Variants in SMARCD3 observed in about 807,000 individuals in gnomAD.
The protein encoded by SMARCD3 is SWI/SNF related BAF chromatin remodeling complex subunit D3, also known as SWI/SNF-related matrix-associated actin-dependent regulator of chromatin subfamily D member 3.
A neutral mutation model predicts 58.0 loss-of-function variants in SMARCD3; 14 were observed. The ratio of observed to expected loss-of-function variants is 0.24; its 90% confidence interval spans 0.16 to 0.38. The LOEUF is 0.38. SMARCD3 is among the 10% of genes least tolerant of loss of function. The probability of loss-of-function intolerance (pLI) is 1.00; values close to 1 mark genes in which losing one functional copy is unlikely to be tolerated. For synonymous variants in SMARCD3, 253 were observed against 253.8 expected, an observed-to-expected ratio of 1.00 and a Z score of 0.03; for missense variants, 408 against 636.9, an observed-to-expected ratio of 0.64 and a Z score of 3.87.
upstream of SMARCD3, among the ~76,000 whole-genome samples, chr7:151,250,999 C>T (rs1017513344): frequency 6.6e-6 from 1 of 152,194 alleles, no homozygotes; most frequent in Admixed American, 6.5e-5. Flanking sequence ...GAGATAGACA[C>T]CCCTAGGCTT....
intron 1 of SMARCD3, among the ~76,000 whole-genome samples, chr7:151,276,082 A>C (rs1201774844): frequency 7.0e-6 from 1 of 142,826 alleles, no homozygotes; most frequent in Admixed American, 7.1e-5. Flanking sequence ...TCCGGGAGAC[A>C]GAGTGGGAGG....
upstream of SMARCD3, among the ~76,000 whole-genome samples, chr7:151,252,526 G>A (rs1803560232): frequency 6.6e-6 from 1 of 152,104 alleles, no homozygotes; most frequent in African/African-American, 2.4e-5. Flanking sequence ...ACTTGGCGCT[G>A]TGAGGACCAC....
chr7:151,247,382 A>G (rs1803319914), intron 1 of SMARCD3, among the ~76,000 whole-genome samples: 2 of 151,930 alleles, frequency 1.3e-5, no homozygotes, highest in Non-Finnish European at 2.9e-5. Flanking sequence ...GGGCTGGAGG[A>G]CAGGCCACTC....
intron 2 of SMARCD3, among the ~76,000 whole-genome samples, chr7:151,263,912 C>T (rs1157778728): frequency 1.3e-5 from 2 of 152,186 alleles, no homozygotes; most frequent in Non-Finnish European, 2.9e-5. Context: ...GGTGACTCCA[C>T]CTTGTGGGTG....
chr7:151,239,336 C>T lies in SMARCD3; in HGVS notation c.1398+60G>A, dbSNP rs1802829439. On this transcript the variant is annotated intron_variant, in intron 12 of 12. Transcript: ENST00000262188. This position sits in a 1 kb window ranked among gnomAD's most constrained non-coding sequence, Gnocchi z 7.0. ...CTGCGAGGGCTGCCCACAAGCTGAACAGGGAGGTTTCTCTTGGAGTTGAGG... is the reference window on the plus strand; with the variant it reads ...CTGCGAGGGCTGCCCACAAGCTGAATAGGGAGGTTTCTCTTGGAGTTGAGG... The T allele has an allele frequency of 2.1e-6, 3 of 1,447,456 alleles. No individual in the cohort carries two copies. Among genetic ancestry groups the T allele is most frequent in the Non-Finnish European group, 2.9e-6 (3 of 1,029,878 alleles). The allele number at this position is 1,447,456 out of a possible 1,614,324, so 89.7% of individuals were successfully genotyped here. A position where few individuals can be genotyped will look rare whatever the true frequency, so the allele number is the denominator to read the frequency against.
chr7:151,272,580 G>A (rs1394580432), intron 2 of SMARCD3, among the ~76,000 whole-genome samples: 1 of 152,118 alleles, frequency 6.6e-6, no homozygotes, highest in Non-Finnish European at 1.5e-5. Flanking sequence ...GCCTGTGTGG[G>A]GCGCACGCTC....
intron 2 of SMARCD3, among the ~76,000 whole-genome samples, chr7:151,264,411 T>G (rs1172978813): frequency 2.0e-5 from 3 of 152,084 alleles, no homozygotes; most frequent in Admixed American, 1.3e-4. Context: ...GCTCCTGCCT[T>G]GGAAAGTGCC....
chr7:151,251,221 C>T (rs929024537), upstream of SMARCD3, among the ~76,000 whole-genome samples: 23 of 151,900 alleles, frequency 1.5e-4, no homozygotes, highest in African/African-American at 5.1e-4. Context: ...TGAGCTTCAC[C>T]CAAGTCCATA....
chr7:151,260,764 A>T (rs1803891677), intron 2 of SMARCD3, among the ~76,000 whole-genome samples: 1 of 152,192 alleles, frequency 6.6e-6, no homozygotes, highest in Admixed American at 6.5e-5. Flanking sequence ...GAGAACTTGG[A>T]GGATCCAACT....
At chr7:151,266,057 C>T (rs530897600) in intron 2 of SMARCD3, among the ~76,000 whole-genome samples, 1 of 152,244 alleles carries the variant, frequency 6.6e-6, no homozygotes, top group East Asian at 1.9e-4. Context: ...GCAATCTCCA[C>T]CTCCTGGTTT....
At position 151,242,993 on chromosome 7, in the gene SMARCD3, C is replaced by G. The variant is rs2150592640; in HGVS notation, c.334-150G>C. On this transcript the variant is annotated intron_variant, in intron 3 of 12. Coordinates refer to ENST00000262188, the MANE Select transcript of SMARCD3 (RefSeq NM_001003801.2). The surrounding 1 kb of genome is among the most constrained non-coding windows in gnomAD (Gnocchi z 4.7). ...GTAGCTTTGACAGTGGGAACAGGAC[C>G]TCTCCCCAGGATGCCATTATCCAGC... 1 of 852,696 alleles carries G rather than the reference C, an allele frequency of 1.2e-6. No individual in the cohort carries two copies. Among genetic ancestry groups the G allele is most frequent in the Non-Finnish European group, 1.8e-6 (1 of 558,006 alleles). The allele number at this position is 852,696 out of a possible 1,614,324, so 52.8% of individuals were successfully genotyped here. A position where few individuals can be genotyped will look rare whatever the true frequency, so the allele number is the denominator to read the frequency against.
At chr7:151,259,611 T>TTTG (rs1554490149) in intron 2 of SMARCD3, among the ~76,000 whole-genome samples, 2 of 105,684 alleles carry the variant, frequency 1.9e-5, no homozygotes, top group African/African-American at 9.1e-5. Context: ...GTTTTTTTTT[T>TTTG]TTTTTTTTTT....
chr7:151,242,094 T>C lies in SMARCD3; in HGVS notation c.675+43A>G. On this transcript the variant is annotated intron_variant, in intron 6 of 12. Transcript: ENST00000262188. The surrounding 1 kb of genome is among the most constrained non-coding windows in gnomAD (Gnocchi z 4.7). ...CTGGTTCTTCAGGGATTCTGGCCTGTGGGAGGGTGGCAATTCAAGGGCGGA... is the reference window on the plus strand; with the variant it reads ...CTGGTTCTTCAGGGATTCTGGCCTGCGGGAGGGTGGCAATTCAAGGGCGGA... The C allele has an allele frequency of 6.4e-7, 1 of 1,552,734 alleles. No individual in the cohort carries two copies. Among genetic ancestry groups the C allele is most frequent in the Non-Finnish European group, 8.9e-7 (1 of 1,124,196 alleles).
upstream of SMARCD3, among the ~76,000 whole-genome samples, chr7:151,252,935 A>C (rs1269079278): frequency 6.6e-6 from 1 of 152,214 alleles, no homozygotes; most frequent in Admixed American, 6.5e-5. Flanking sequence ...CACGAAAGAG[A>C]CAAATGCAAT....
rs531038787 is a variant in SMARCD3, at chr7:151,246,886, C to A, written c.79-1215G>T. Among the ~76,000 whole-genome samples the A allele has an allele frequency of 4.0e-3, 611 of 152,186 alleles. 3 individuals carry two copies. The highest frequency in any genetic ancestry group is 0.014 in the African/African-American group (583 of 41,508). ...GAAGAAGATCAGAGGGCAGGGGATGCAGACCCTGGCACTGTTAACATGGAC... is the reference window on the plus strand; with the variant it reads ...GAAGAAGATCAGAGGGCAGGGGATGAAGACCCTGGCACTGTTAACATGGAC... On this transcript the variant is annotated intron_variant, in intron 1 of 12. Transcript: ENST00000262188. This position sits in a 1 kb window ranked among gnomAD's most constrained non-coding sequence, Gnocchi z 4.4.
chr7:151,242,421 G>T lies in SMARCD3; in HGVS notation c.579+60C>A. ...GCCCTTAGTGCAGACACCTTGTTCT[G>T]TTCTCAGTGCAGCCCATGCCCACCC... On this transcript the variant is annotated intron_variant, in intron 5 of 12. Transcript: ENST00000262188. This position sits in a 1 kb window ranked among gnomAD's most constrained non-coding sequence, Gnocchi z 4.7. The T allele has an allele frequency of 6.3e-7, 1 of 1,598,002 alleles. No individual in the cohort carries two copies. The highest frequency in any genetic ancestry group is 8.5e-7 in the Non-Finnish European group (1 of 1,171,276).
At chr7:151,275,460 GCAGA>G (rs1210186929) in intron 1 of SMARCD3, among the ~76,000 whole-genome samples, 3 of 152,202 alleles carry the variant, frequency 2.0e-5, no homozygotes, top group Non-Finnish European at 2.9e-5. Context: ...TGTGTGGGAA[GCAGA>G]CAGAGACCGG....
chr7:151,274,106 C>T (rs1295007261), intron 2 of SMARCD3, among the ~76,000 whole-genome samples: 4 of 152,274 alleles, frequency 2.6e-5, no homozygotes, highest in Non-Finnish European at 5.9e-5. Context: ...TGCTCTGAGG[C>T]CTGTGTGGTC....
At chr7:151,240,034 C>G (rs1337552391) in intron 10 of SMARCD3, 78 bp downstream of exon 10, 2 of 1,470,872 alleles carry the variant, frequency 1.4e-6, no homozygotes, top group East Asian at 4.5e-5. Context: ...TCATCTGCAA[C>G]CACACCCTGG....
Sources: gnomAD v4.1 joint callset for allele counts (sites outside exome capture counted in the v4.1 genomes callset) on GRCh38, gnomAD v4.1.1 for gene constraint, Gnocchi (gnomAD v3.1) non-coding constraint, MANE v1.5 for transcripts, NCBI Gene and HGNC (gene_info 2026-07-23, HGNC 2026-07-21) for gene names.